Variants in SKIC2 observed in about 807,000 individuals in gnomAD.
The protein encoded by SKIC2 is SKI2 subunit of superkiller complex, also known as superkiller complex protein 2.
chr6:31,962,836 T>A, the SKIC2 span: 2 of 1,483,316 alleles, frequency 1.3e-6, no homozygotes, highest in Non-Finnish European at 1.9e-6. The surrounding 1 kb of genome is among the most constrained non-coding windows in gnomAD (Gnocchi z 5.0). Flanking sequence ...GGCAGTCCTC[T>A]CCTTTGGGAC....
At chr6:31,965,042 C>T in the SKIC2 span, among the ~76,000 whole-genome samples, 2 of 152,146 alleles carry the variant, frequency 1.3e-5, no homozygotes, top group Non-Finnish European at 2.9e-5. This position sits in a 1 kb window ranked among gnomAD's most constrained non-coding sequence, Gnocchi z 5.6. Context: ...TGCTTGAACC[C>T]AGGAGGCAGA....
the SKIC2 span, chr6:31,966,575 G>C: frequency 1.2e-6 from 1 of 810,404 alleles, no homozygotes. This position sits in a 1 kb window ranked among gnomAD's most constrained non-coding sequence, Gnocchi z 5.9. Context: ...GAAGAGGTGA[G>C]CAAGTGGTTT....
the SKIC2 span, chr6:31,962,303 A>T: frequency 9.5e-7 from 1 of 1,048,708 alleles, no homozygotes; most frequent in Admixed American, 1.8e-5. This position sits in a 1 kb window ranked among gnomAD's most constrained non-coding sequence, Gnocchi z 5.0. Flanking sequence ...CATGCAGGAG[A>T]ATGTAAGGGC....
chr6:31,959,499 T>C, the SKIC2 span: 3 of 847,310 alleles, frequency 3.5e-6, no homozygotes, highest in African/African-American at 1.6e-5. Context: ...CATCTGTGCC[T>C]GTACTCCTGT....
chr6:31,967,353 C>T, the SKIC2 span: 1 of 1,612,628 alleles, frequency 6.2e-7, no homozygotes, highest in Non-Finnish European at 8.5e-7. The surrounding 1 kb of genome is among the most constrained non-coding windows in gnomAD (Gnocchi z 4.9). Context: ...AGGAGCATCA[C>T]AACGCATTGG....
chr6:31,965,241 CTTTG>C, the SKIC2 span, among the ~76,000 whole-genome samples: 1 of 152,132 alleles, frequency 6.6e-6, no homozygotes, highest in Non-Finnish European at 1.5e-5. This position sits in a 1 kb window ranked among gnomAD's most constrained non-coding sequence, Gnocchi z 5.6. Context: ...TACACCCATC[CTTTG>C]TTTGTGGTGG....
At chr6:31,961,193 C>T in the SKIC2 span, 9 of 1,614,030 alleles carry the variant, frequency 5.6e-6, no homozygotes, top group Non-Finnish European at 7.6e-6. Context: ...GCTTGCTCCT[C>T]AGATTGTCCA....
At chr6:31,962,132 TC>T in the SKIC2 span, 1 of 1,422,814 alleles carries the variant, frequency 7.0e-7, no homozygotes, top group Non-Finnish European at 9.9e-7. The surrounding 1 kb of genome is among the most constrained non-coding windows in gnomAD (Gnocchi z 5.0). Context: ...TCTCATCTCT[TC>T]CCCCACCTCT....
At chr6:31,968,887 G>C in the SKIC2 span, 1 of 1,612,874 alleles carries the variant, frequency 6.2e-7, no homozygotes, top group Non-Finnish European at 8.5e-7. The surrounding 1 kb of genome is among the most constrained non-coding windows in gnomAD (Gnocchi z 6.1). Context: ...CGAACCCTGG[G>C]TTATGTGGAC....
chr6:31,962,352 C>A, the SKIC2 span: 2 of 1,420,880 alleles, frequency 1.4e-6, no homozygotes, highest in Non-Finnish European at 2.0e-6. The surrounding 1 kb of genome is among the most constrained non-coding windows in gnomAD (Gnocchi z 5.0). Context: ...GCTTCTGGGG[C>A]ATGCTTCCAC....
the SKIC2 span, chr6:31,967,972 C>T: frequency 2.8e-5 from 45 of 1,612,882 alleles, no homozygotes; most frequent in African/African-American, 5.3e-5. The surrounding 1 kb of genome is among the most constrained non-coding windows in gnomAD (Gnocchi z 4.9). Context: ...GTGACCACAC[C>T]GTGGTCAAGC....
At chr6:31,960,485 G>A in the SKIC2 span, 1 of 1,614,144 alleles carries the variant, frequency 6.2e-7, no homozygotes, top group Non-Finnish European at 8.5e-7. Context: ...CTCTTCGCCG[G>A]CCTCCAGGGC....
At chr6:31,968,147 T>C in the SKIC2 span, 1 of 1,598,348 alleles carries the variant, frequency 6.3e-7, no homozygotes, top group Non-Finnish European at 8.6e-7. This position sits in a 1 kb window ranked among gnomAD's most constrained non-coding sequence, Gnocchi z 6.1. Flanking sequence ...GGGGCAGTGG[T>C]CTGGGAGTTT....
At chr6:31,961,890 C>T in the SKIC2 span, 2 of 1,612,566 alleles carry the variant, frequency 1.2e-6, no homozygotes, top group Non-Finnish European at 1.7e-6. Flanking sequence ...CAGCTCCTGT[C>T]TATTTCTCTC....
chr6:31,961,267 G>C, the SKIC2 span: 1 of 1,611,604 alleles, frequency 6.2e-7, no homozygotes, highest in Non-Finnish European at 8.5e-7. Context: ...GGGTGGGGGT[G>C]ACGAGGATGA....
the SKIC2 span, chr6:31,967,837 G>A: frequency 6.2e-7 from 1 of 1,612,924 alleles, no homozygotes; most frequent in Non-Finnish European, 8.5e-7. The surrounding 1 kb of genome is among the most constrained non-coding windows in gnomAD (Gnocchi z 4.9). Context: ...ATGACCTCGT[G>A]GGATTCAAGC....
the SKIC2 span, chr6:31,961,353 C>A: frequency 6.4e-7 from 1 of 1,570,212 alleles, no homozygotes; most frequent in Non-Finnish European, 8.6e-7. Flanking sequence ...CTCCCCTGGC[C>A]CGAGCAAGCA....
At chr6:31,962,691 A>G in the SKIC2 span, 3 of 1,609,502 alleles carry the variant, frequency 1.9e-6, no homozygotes, top group South Asian at 1.1e-5. This position sits in a 1 kb window ranked among gnomAD's most constrained non-coding sequence, Gnocchi z 5.0. Context: ...CTGGGGAGTC[A>G]ATCCTTGGCC....
chr6:31,961,153 G>C, the SKIC2 span: 9 of 1,611,220 alleles, frequency 5.6e-6, no homozygotes, highest in Admixed American at 6.7e-5. Flanking sequence ...CTAAGGAACA[G>C]AGATGGACAT....
Sources: gnomAD v4.1 joint callset for allele counts (sites outside exome capture counted in the v4.1 genomes callset) on GRCh38, gnomAD v4.1.1 for gene constraint, Gnocchi (gnomAD v3.1) non-coding constraint, MANE v1.5 for transcripts, NCBI Gene and HGNC (gene_info 2026-07-23, HGNC 2026-07-21) for gene names.